Variants in ORC5 observed in about 807,000 individuals in gnomAD.
ORC5 encodes the protein origin recognition complex subunit 5, also known as protein phosphatase 1, regulatory subunit 117.
Under a neutral mutation model 58.8 loss-of-function variants are expected in ORC5, and 39 were observed. That is an observed-to-expected ratio of 0.66 (90% CI 0.51 to 0.87). The LOEUF is 0.87. Among genes scored for constraint, ORC5 ranks in the 40% least tolerant of loss-of-function variants. The pLI is 0.00. For synonymous variants in ORC5, 218 were observed against 177.6 expected, an observed-to-expected ratio of 1.23 and a Z score of -1.81; for missense variants, 493 against 506.3, an observed-to-expected ratio of 0.97 and a Z score of 0.25.
At chr7:104,199,662 C>T (rs1397169960) in intron 3 of ORC5, among the ~76,000 whole-genome samples, 2 of 152,146 alleles carry the variant, frequency 1.3e-5, no homozygotes, top group Non-Finnish European at 2.9e-5. Context: ...TTTATAGGCT[C>T]ATAGGTGGAA....
rs958652835 is a variant in ORC5, at chr7:104,126,716, T to C, written c.*132A>G. The C allele has an allele frequency of 4.7e-6, 3 of 632,428 alleles. No individual in the cohort carries two copies. The highest frequency in any genetic ancestry group is 6.1e-5 in the Admixed American group (2 of 32,660). 39.2% of individuals were successfully genotyped at this position (632,428 alleles called of 1,614,324 possible). A position where few individuals can be genotyped will look rare whatever the true frequency, so the allele number is the denominator to read the frequency against. On this transcript the variant is annotated 3_prime_UTR_variant, in exon 14 of 14. Coordinates refer to ENST00000297431, the MANE Select transcript of ORC5 (RefSeq NM_002553.4). Reference sequence around the variant, plus strand: ...ATCAGAATATTTTCATCAGATTCCATGCTGGGCCAGCACCTGTTTGGACAA... The same window carrying C: ...ATCAGAATATTTTCATCAGATTCCACGCTGGGCCAGCACCTGTTTGGACAA...
chr7:104,176,554 A>G (rs1183694692), intron 8 of ORC5, among the ~76,000 whole-genome samples: 1 of 152,106 alleles, frequency 6.6e-6, no homozygotes, highest in Non-Finnish European at 1.5e-5. Flanking sequence ...AATGTTAATG[A>G]TGGTCAGTTG....
At chr7:104,166,473 A>G (rs1799110068) in intron 10 of ORC5, among the ~76,000 whole-genome samples, 1 of 152,234 alleles carries the variant, frequency 6.6e-6, no homozygotes, top group Admixed American at 6.5e-5. Flanking sequence ...AGAACAACAA[A>G]GAGTTACCGC....
chr7:104,144,665 G>C (rs1223522495), intron 12 of ORC5, among the ~76,000 whole-genome samples: 1 of 152,234 alleles, frequency 6.6e-6, no homozygotes, highest in Non-Finnish European at 1.5e-5. Context: ...GCTGAGGCAG[G>C]AGAATCGCTT....
At chr7:104,168,218 G>T in intron 9 of ORC5, 1 of 990,800 alleles carries the variant, frequency 1.0e-6, no homozygotes, top group Non-Finnish European at 1.3e-6. Flanking sequence ...TAAAGAAATA[G>T]AAACTGCTTG....
At chr7:104,193,519 C>A (rs11765769) in intron 5 of ORC5, among the ~76,000 whole-genome samples, 8,197 of 152,038 alleles carry the variant, frequency 0.054, 316 homozygotes, top group Non-Finnish European at 0.08. Flanking sequence ...GGGCTCCTAG[C>A]CATAACTGCT....
At chr7:104,127,077 A>AT (rs77261166) in intron 13 of ORC5, among the ~76,000 whole-genome samples, 184 bp from the exon 14 acceptor site, 3,241 of 143,306 alleles carry the variant, frequency 0.023, 46 homozygotes, top group African/African-American at 0.037. Context: ...CAATATTTTA[A>AT]TTTTTTTTTT....
At chr7:104,185,032 C>G (rs867752169) in intron 6 of ORC5, among the ~76,000 whole-genome samples, 1 of 137,716 alleles carries the variant, frequency 7.3e-6, no homozygotes, top group Non-Finnish European at 1.6e-5. Context: ...GCTGGCCCCC[C>G]TTTCTGCCCC....
intron 5 of ORC5, among the ~76,000 whole-genome samples, chr7:104,189,087 G>A (rs370171674): frequency 1.6e-4 from 24 of 152,082 alleles, no homozygotes; most frequent in Admixed American, 1.0e-3. Flanking sequence ...CTAATACAGC[G>A]GGCCCCTAGA....
chr7:104,205,225 G>C (rs1041845095), intron 1 of ORC5, among the ~76,000 whole-genome samples: 1 of 151,410 alleles, frequency 6.6e-6, no homozygotes, highest in Non-Finnish European at 1.5e-5. Flanking sequence ...GAGTAGCTGG[G>C]ATTACAGGTG....
In ORC5 at chr7:104,143,714, T is replaced by C. The variant is rs1468909403; in HGVS notation, c.1150-6821A>G. On this transcript the variant is annotated intron_variant, in intron 12 of 13. Transcript: ENST00000297431. ...TAAAAAAACTCATTTCAGTCATTTG[T>C]TGACTTTATCATGTGAAAATCACTG... Among the ~76,000 whole-genome samples, 3 of 152,194 alleles carry C rather than the reference T, an allele frequency of 2.0e-5. No homozygotes were observed. The East Asian group carries it at 5.8e-4, about 29-fold the overall frequency.
At chr7:104,172,851 T>C (rs528286977) in intron 8 of ORC5, among the ~76,000 whole-genome samples, 3 of 152,172 alleles carry the variant, frequency 2.0e-5, no homozygotes, top group Admixed American at 6.5e-5. Context: ...ACTAAGAAAT[T>C]TTAATAATAG....
chr7:104,200,644 C>T (rs1799915694), intron 3 of ORC5, 114 bp downstream of exon 3: 4 of 664,082 alleles, frequency 6.0e-6, no homozygotes, highest in South Asian at 5.9e-5. Context: ...ATACTAAAAG[C>T]ACCTGGCACA....
chr7:104,170,180 C>T (rs747638723), intron 8 of ORC5, among the ~76,000 whole-genome samples: 2 of 152,092 alleles, frequency 1.3e-5, no homozygotes, highest in African/African-American at 2.4e-5. Flanking sequence ...TTGTAAGTGA[C>T]TTTTATTTTT....
At chr7:104,202,649 C>G (rs1258479165) in intron 2 of ORC5, 1 of 369,866 alleles carries the variant, frequency 2.7e-6, no homozygotes, top group Non-Finnish European at 5.4e-6. Flanking sequence ...ATGAAACTTC[C>G]TTACTGGGTT....
chr7:104,166,377 A>G (rs2115871051), intron 10 of ORC5, among the ~76,000 whole-genome samples: 1 of 152,304 alleles, frequency 6.6e-6, no homozygotes, highest in East Asian at 1.9e-4. Flanking sequence ...GAAAAAAACA[A>G]CTCTAAACTG....
At chr7:104,182,046 G>C (rs920864495) in intron 8 of ORC5, among the ~76,000 whole-genome samples, 1 of 152,158 alleles carries the variant, frequency 6.6e-6, no homozygotes, top group African/African-American at 2.4e-5. Flanking sequence ...TTGTATTTGA[G>C]TTTTAATCAA....
chr7:104,190,815 A>G (rs540943570), intron 5 of ORC5, among the ~76,000 whole-genome samples: 2 of 151,994 alleles, frequency 1.3e-5, no homozygotes, highest in African/African-American at 2.4e-5. Context: ...AATCATGTCA[A>G]TTTCCTTTTG....
chr7:104,194,849 T>C (rs1026504481), intron 5 of ORC5, among the ~76,000 whole-genome samples: 1 of 152,110 alleles, frequency 6.6e-6, no homozygotes, highest in African/African-American at 2.4e-5. Flanking sequence ...TACAATAACC[T>C]CTCACAGTTC....
Sources: allele counts gnomAD v4.1 joint callset (sites outside exome capture counted in the v4.1 genomes callset), GRCh38; gene constraint gnomAD v4.1.1; transcripts MANE v1.5; gene names NCBI Gene and HGNC (gene_info 2026-07-23, HGNC 2026-07-21).